Variants in CEP112 observed in about 807,000 individuals in gnomAD.
CEP112 encodes centrosomal protein 112.
CEP112 carries 127 observed loss-of-function variants against 153.0 expected under a neutral mutation model. That is an observed-to-expected ratio of 0.83 (90% CI 0.72 to 0.96). The LOEUF (loss-of-function observed/expected upper bound fraction) is 0.96. Among genes scored for constraint, CEP112 ranks in the 40% least tolerant of loss-of-function variants. The pLI, the probability that CEP112 is intolerant of heterozygous loss-of-function variation, is 0.00. For synonymous variants in CEP112, 358 were observed against 374.4 expected (o/e 0.96, Z 0.51); for missense variants, 1,089 against 1,101.2 (o/e 0.99, Z 0.16).
At chr17:65,811,530 G>A (rs765184343) in intron 21 of CEP112, among the ~76,000 whole-genome samples, 1 of 152,134 alleles carries the variant, frequency 6.6e-6, no homozygotes, top group Non-Finnish European at 1.5e-5. Context: ...GGTGGCTGAG[G>A]TGGAGAACTG....
intron 20 of CEP112, among the ~76,000 whole-genome samples, chr17:65,871,093 A>G (rs2058656974): frequency 1.3e-5 from 2 of 152,234 alleles, no homozygotes. Flanking sequence ...ATGGTAGGAC[A>G]TTACTAAAGT....
chr17:65,912,293 A>G (rs2060318109), intron 19 of CEP112, among the ~76,000 whole-genome samples: 1 of 152,208 alleles, frequency 6.6e-6, no homozygotes, highest in East Asian at 1.9e-4. Context: ...AATCGTGTCT[A>G]CCTTCCATCT....
At chr17:66,157,575 C>T (rs1468714119) in intron 4 of CEP112, among the ~76,000 whole-genome samples, 4 of 151,936 alleles carry the variant, frequency 2.6e-5, no homozygotes, top group Non-Finnish European at 4.4e-5. Context: ...TTAAAAGACA[C>T]GGACTGGGAA....
intron 21 of CEP112, among the ~76,000 whole-genome samples, chr17:65,765,548 G>A (rs2052912586): frequency 6.6e-6 from 1 of 152,060 alleles, no homozygotes; most frequent in South Asian, 2.1e-4. Flanking sequence ...GCCCAACACT[G>A]CTATGGCTGC....
At chr17:65,698,319 C>A (rs759728202) in intron 23 of CEP112, among the ~76,000 whole-genome samples, 1 of 152,162 alleles carries the variant, frequency 6.6e-6, no homozygotes, top group Non-Finnish European at 1.5e-5. Context: ...ACTGTGGCCA[C>A]TATATAAAGC....
intron 2 of CEP112, 105 bp from the exon 3 acceptor site, chr17:66,177,125 C>A (rs1199830347): frequency 2.2e-6 from 2 of 892,526 alleles, no homozygotes; most frequent in South Asian, 1.9e-5. Context: ...GAAGGACCAA[C>A]AAACCTTTTC....
chr17:66,132,936 G>T (rs1009069842), intron 4 of CEP112, among the ~76,000 whole-genome samples, 173 bp from the exon 5 acceptor site: 4 of 152,050 alleles, frequency 2.6e-5, no homozygotes, highest in Admixed American at 1.3e-4. Context: ...TACTTGGGAG[G>T]CTGGGGCAAG....
At chr17:66,180,608 G>A (rs2072681459) in intron 2 of CEP112, among the ~76,000 whole-genome samples, 1 of 152,030 alleles carries the variant, frequency 6.6e-6, no homozygotes, top group Non-Finnish European at 1.5e-5. Context: ...CTACTGACAT[G>A]TCATTTTGTG....
Position 66,129,746 on chromosome 17 carries a change from C to A in CEP112, c.642G>T (p.Gly214=). ...IEARLNSWNL[G]IENPRYLRQK... is the part of the protein sequence containing the mutation. ...ACATAAAGCAAATACTTTTTTTTACCCCAAGATTCCAACTATTAAGGCGAG... is the reference window on the plus strand; with the variant it reads ...ACATAAAGCAAATACTTTTTTTTACACCAAGATTCCAACTATTAAGGCGAG... Residue 214 remains glycine, a splice_region_variant and synonymous_variant, in exon 6 of 27, where the codon GGG becomes GGT. Coordinates refer to ENST00000535342, the MANE Select transcript of CEP112 (RefSeq NM_001199165.4). The A allele has an allele frequency of 6.2e-7, 1 of 1,600,206 alleles. No individual in the cohort carries two copies. The highest frequency in any genetic ancestry group is 1.1e-5 in the South Asian group (1 of 88,878).
intron 19 of CEP112, among the ~76,000 whole-genome samples, chr17:65,925,189 T>C (rs2060880314): frequency 6.6e-6 from 1 of 152,166 alleles, no homozygotes. Flanking sequence ...GATCCGACGG[T>C]TTTATAAATG....
At chr17:65,954,279 A>AAGCCTCATTCCTAGGGGAAGGGGG (rs1415239409) in intron 18 of CEP112, among the ~76,000 whole-genome samples, 2 of 152,208 alleles carry the variant, frequency 1.3e-5, no homozygotes, top group Non-Finnish European at 2.9e-5. Flanking sequence ...CGCTCTTAGG[A>AAGCCTCATTCCTAGGGGAAGGGGG]AGCCTCATTC....
chr17:65,648,590 A>T (rs779304963), intron 24 of CEP112, among the ~76,000 whole-genome samples: 5 of 152,240 alleles, frequency 3.3e-5, no homozygotes, highest in Non-Finnish European at 7.3e-5. Flanking sequence ...CATTTGCATA[A>T]ATAATAGACT....
intron 6 of CEP112, among the ~76,000 whole-genome samples, chr17:66,117,704 G>T (rs2069365168): frequency 6.6e-6 from 1 of 152,136 alleles, no homozygotes; most frequent in South Asian, 2.1e-4. Context: ...GCACAGCAAA[G>T]GAAACAATCA....
intron 24 of CEP112, among the ~76,000 whole-genome samples, chr17:65,673,888 T>G (rs2047100263): frequency 6.6e-6 from 1 of 152,222 alleles, no homozygotes; most frequent in South Asian, 2.1e-4. Context: ...AAACTTTCTT[T>G]TTTTTGGAGT....
intron 6 of CEP112, among the ~76,000 whole-genome samples, chr17:66,097,640 T>C (rs577964140): frequency 2.6e-5 from 4 of 152,186 alleles, no homozygotes; most frequent in Non-Finnish European, 5.9e-5. Context: ...TCCACATCTG[T>C]CTTTGAACAG....
chr17:65,767,294 A>G (rs1344182444), intron 21 of CEP112, among the ~76,000 whole-genome samples: 4 of 152,124 alleles, frequency 2.6e-5, no homozygotes, highest in African/African-American at 9.6e-5. Context: ...TCAATGGATC[A>G]AAGAAGAAAT....
At chr17:65,972,087 C>G (rs2062862909) in intron 17 of CEP112, among the ~76,000 whole-genome samples, 1 of 152,114 alleles carries the variant, frequency 6.6e-6, no homozygotes, top group Non-Finnish European at 1.5e-5. Context: ...TCCACCCAAT[C>G]AAAGAAGAAT....
At position 66,076,594 on chromosome 17, in the gene CEP112, C is replaced by T. The variant is rs190911563; in HGVS notation, c.769-6593G>A. ...CTGAGCTCAGACATGCCTAGCCCTG[C>T]CCCCACCTGCTGGGCCTTCCCTATC... On this transcript the variant is annotated intron_variant, in intron 8 of 26. Transcript: ENST00000535342. 4.8e-3 allele frequency among the ~76,000 whole-genome samples: 724 copies of T among 152,228 alleles called. 5 individuals are homozygous for T. Among genetic ancestry groups the T allele is most frequent in the Admixed American group, 7.8e-3 (119 of 15,298 alleles).
intron 17 of CEP112, among the ~76,000 whole-genome samples, chr17:65,986,210 C>G (rs537486877): frequency 6.6e-6 from 1 of 152,146 alleles, no homozygotes; most frequent in East Asian, 1.9e-4. Flanking sequence ...AGTAATAACT[C>G]AGATAAACAG....
Sources: gnomAD v4.1 joint callset for allele counts (sites outside exome capture counted in the v4.1 genomes callset) on GRCh38, gnomAD v4.1.1 for gene constraint, MANE v1.5 for transcripts, NCBI Gene and HGNC (gene_info 2026-07-23, HGNC 2026-07-21) for gene names.